PDCD1LG2: variants seen among roughly 807,000 people sequenced by gnomAD.
PDCD1LG2 encodes B7 dendritic cell molecule.
PDCD1LG2 carries 32 observed loss-of-function variants against 28.2 expected under a neutral mutation model. That is an observed-to-expected ratio of 1.13 (90% CI 0.86 to 1.52). The LOEUF is 1.52. PDCD1LG2 is among the 40% of genes most tolerant of loss of function. The pLI, the probability that PDCD1LG2 is intolerant of heterozygous loss-of-function variation, is 0.00. For missense variants in PDCD1LG2, 385 were observed against 323.8 expected (o/e 1.19, Z -1.45); for synonymous variants, 116 against 120.2 (o/e 0.97, Z 0.23).
At chr9:5,521,244 T>C (rs1301022972) in intron 1 of PDCD1LG2, among the ~76,000 whole-genome samples, 1 of 152,144 alleles carries the variant, frequency 6.6e-6, no homozygotes, top group East Asian at 1.9e-4. Context: ...TTTCTGCTAA[T>C]GGGTAAGGGG....
chr9:5,522,541 C>T lies in PDCD1LG2; in HGVS notation c.-6C>T, dbSNP rs2129725668. ...TCAATTGTCTATTTCAGATCAAATACAGAACATGATCTTCCTCCTGCTAAT... is the reference window on the plus strand; with the variant it reads ...TCAATTGTCTATTTCAGATCAAATATAGAACATGATCTTCCTCCTGCTAAT... On this transcript the variant is annotated 5_prime_UTR_variant, in exon 2 of 7. Coordinates refer to ENST00000397747, the MANE Select transcript of PDCD1LG2 (RefSeq NM_025239.4). The T allele has an allele frequency of 6.2e-7, 1 of 1,613,168 alleles. No homozygotes were observed. Among genetic ancestry groups the T allele is most frequent in the Non-Finnish European group, 8.5e-7 (1 of 1,179,392 alleles).
intron 5 of PDCD1LG2, among the ~76,000 whole-genome samples, chr9:5,560,589 C>T (rs1040442402): frequency 7.2e-5 from 11 of 152,224 alleles, no homozygotes; most frequent in Admixed American, 5.2e-4. Flanking sequence ...GCCTTAGCCA[C>T]AGCTGCACAC....
rs187433845 is a variant in PDCD1LG2, at chr9:5,541,461, G to T, written c.361+6411G>T. 3.2e-3 allele frequency among the ~76,000 whole-genome samples: 481 copies of T among 152,210 alleles called. 2 individuals are homozygous for T. Among genetic ancestry groups the T allele is most frequent in the African/African-American group, 8.1e-3 (338 of 41,542 alleles). ...GATCATATACCTAGAAAACCCTAAG[G>T]ATTCATCTTGAAAGCTCCTAGAACT... On this transcript the variant is annotated intron_variant, in intron 3 of 6. Coordinates refer to ENST00000397747, the MANE Select transcript of PDCD1LG2 (RefSeq NM_025239.4).
At chr9:5,553,186 A>G (rs986203626) in intron 4 of PDCD1LG2, among the ~76,000 whole-genome samples, 5 of 152,152 alleles carry the variant, frequency 3.3e-5, no homozygotes, top group Non-Finnish European at 7.4e-5. Flanking sequence ...AAATCCATCA[A>G]TTTTAGGACC....
intron 4 of PDCD1LG2, among the ~76,000 whole-genome samples, chr9:5,554,773 G>A (rs7852125): frequency 0.32 from 48,580 of 152,014 alleles, 8,069 homozygotes; most frequent in African/African-American, 0.4. Flanking sequence ...TAGGAGACCT[G>A]GAGGTGATTC....
chr9:5,523,442 C>T (rs894475079), intron 2 of PDCD1LG2, among the ~76,000 whole-genome samples: 2 of 152,172 alleles, frequency 1.3e-5, no homozygotes, highest in African/African-American at 2.4e-5. Flanking sequence ...GATAACCTTT[C>T]GAAGAGCTTT....
intron 3 of PDCD1LG2, among the ~76,000 whole-genome samples, chr9:5,538,127 T>C (rs1022250853): frequency 1.3e-5 from 2 of 152,170 alleles, no homozygotes; most frequent in African/African-American, 4.8e-5. Context: ...TTTCATTTAA[T>C]AATTTATTTA....
At chr9:5,546,113 C>T (rs1420387460) in intron 3 of PDCD1LG2, among the ~76,000 whole-genome samples, 1 of 152,150 alleles carries the variant, frequency 6.6e-6, no homozygotes, top group Non-Finnish European at 1.5e-5. Flanking sequence ...CCAAACCTTG[C>T]TGATTCTTGT....
chr9:5,559,822 C>T (rs924064925), intron 5 of PDCD1LG2, among the ~76,000 whole-genome samples: 2 of 152,158 alleles, frequency 1.3e-5, no homozygotes, highest in Admixed American at 1.3e-4. Flanking sequence ...CCAACGAGCC[C>T]AGGATGGTTT....
chr9:5,525,842 A>T (rs1210769308), intron 2 of PDCD1LG2, among the ~76,000 whole-genome samples: 2 of 152,060 alleles, frequency 1.3e-5, no homozygotes, highest in Non-Finnish European at 2.9e-5. Context: ...AGGTCAGGAG[A>T]CCGAGACCAG....
chr9:5,561,007 T>A (rs1303357967), intron 5 of PDCD1LG2, among the ~76,000 whole-genome samples: 1 of 152,154 alleles, frequency 6.6e-6, no homozygotes, highest in Non-Finnish European at 1.5e-5. Context: ...GTTTCAAGAA[T>A]ACAGTAACTG....
chr9:5,557,101 A>G (rs1408292756), intron 4 of PDCD1LG2, among the ~76,000 whole-genome samples: 1 of 152,168 alleles, frequency 6.6e-6, no homozygotes, highest in Non-Finnish European at 1.5e-5. Context: ...TTTAACAACT[A>G]ATGGTATAGA....
intron 2 of PDCD1LG2, among the ~76,000 whole-genome samples, chr9:5,526,992 A>T (rs1422620656): frequency 2.0e-5 from 3 of 152,156 alleles, no homozygotes. Context: ...ACTGTGATGA[A>T]AGTTGCCTCT....
rs146486979 is a variant in PDCD1LG2 at position 5,525,901 on chromosome 9, G to A, written c.55+3300G>A. ...GTCTCTACAAAAAATACAAAAATTA[G>A]CTGGGCATGGTGGCACAAGCCTGTA... On this transcript the variant is annotated intron_variant, in intron 2 of 6. Transcript: ENST00000397747. Among the ~76,000 whole-genome samples, 665 of 152,204 alleles carry A rather than the reference G, an allele frequency of 4.4e-3. 5 individuals carry two copies. The highest frequency in any genetic ancestry group is 0.015 in the African/African-American group (642 of 41,534).
At chr9:5,557,246 T>G (rs1816460796) in intron 4 of PDCD1LG2, among the ~76,000 whole-genome samples, 1 of 142,030 alleles carries the variant, frequency 7.0e-6, no homozygotes, top group Non-Finnish European at 1.5e-5. Context: ...AGAAAGATGA[T>G]TAGATGATAG....
chr9:5,531,868 G>T (rs966437887), intron 2 of PDCD1LG2, among the ~76,000 whole-genome samples: 4 of 152,314 alleles, frequency 2.6e-5, no homozygotes, highest in Non-Finnish European at 4.4e-5. Context: ...AAGAGTAAAA[G>T]TAGTAGGTAA....
At chr9:5,523,941 C>T (rs933286159) in intron 2 of PDCD1LG2, among the ~76,000 whole-genome samples, 4 of 152,134 alleles carry the variant, frequency 2.6e-5, no homozygotes, top group Non-Finnish European at 4.4e-5. Flanking sequence ...TTTTTTATCC[C>T]TCATTGGCTC....
chr9:5,526,026 G>A (rs908548623), intron 2 of PDCD1LG2, among the ~76,000 whole-genome samples: 10 of 139,836 alleles, frequency 7.2e-5, no homozygotes, highest in Admixed American at 1.5e-4. Context: ...TAGCCTGGGC[G>A]ACAGAGTGAG....
In PDCD1LG2 at chr9:5,569,847, A is replaced by T. The variant is rs754952482; in HGVS notation, c.817-107A>T. 1 of 1,114,890 alleles carries T rather than the reference A, an allele frequency of 9.0e-7. No homozygotes were observed. The highest frequency in any genetic ancestry group is 2.4e-5 in the East Asian group (1 of 42,244). The allele number at this position is 1,114,890 out of a possible 1,614,324, so 69.1% of individuals were successfully genotyped here. On this transcript the variant is annotated intron_variant, in intron 6 of 6. Transcript: ENST00000397747. The surrounding 1 kb of genome is among the most constrained non-coding windows in gnomAD (Gnocchi z 4.1). Reference sequence around the variant, plus strand: ...GTTTTAAACCATGCGGCTTCCAGCTAGATGAACTTTTTTAAAAAAATTAGT... The same window carrying T: ...GTTTTAAACCATGCGGCTTCCAGCTTGATGAACTTTTTTAAAAAAATTAGT...
Sources: allele counts gnomAD v4.1 joint callset (sites outside exome capture counted in the v4.1 genomes callset), GRCh38; gene constraint gnomAD v4.1.1; non-coding constraint Gnocchi (gnomAD v3.1); transcripts MANE v1.5; gene names NCBI Gene and HGNC (gene_info 2026-07-23, HGNC 2026-07-21).